The following L3MBTL4 variants were observed in gnomAD, a reference collection of about 807,000 sequenced individuals.
L3MBTL4 encodes the protein lethal(3)malignant brain tumor-like protein 4.
L3MBTL4 carries 70 observed loss-of-function variants against 84.5 expected under a neutral mutation model. The observed-to-expected ratio is 0.83, with a 90% CI of 0.68 to 1.01. The LOEUF is 1.01. Ranked by LOEUF, L3MBTL4 falls within the 50% of genes least tolerant of loss-of-function variation. The pLI is 0.00. For missense variants in L3MBTL4, 715 were observed against 754.8 expected, an observed-to-expected ratio of 0.95 and a Z score of 0.62; for synonymous variants, 274 against 259.8, an observed-to-expected ratio of 1.05 and a Z score of -0.52.
intron 1 of L3MBTL4, among the ~76,000 whole-genome samples, chr18:6,327,791 C>A (rs2051806423): frequency 6.6e-6 from 1 of 152,064 alleles, no homozygotes; most frequent in Non-Finnish European, 1.5e-5. Flanking sequence ...TACTTCACTG[C>A]ATATTTGAAT....
intron 17 of L3MBTL4, among the ~76,000 whole-genome samples, chr18:5,966,578 C>G (rs145414508): frequency 1.1e-4 from 17 of 152,318 alleles, no homozygotes; most frequent in Non-Finnish European, 4.4e-5. Flanking sequence ...CCTTGGTAAC[C>G]TCTGCCTGCA....
At chr18:6,221,981 G>C (rs2046575858) in intron 10 of L3MBTL4, among the ~76,000 whole-genome samples, 1 of 152,204 alleles carries the variant, frequency 6.6e-6, no homozygotes, top group Non-Finnish European at 1.5e-5. Flanking sequence ...GTATGAAATA[G>C]TGGCATGCTG....
At chr18:6,072,748 C>A (rs1470423746) in intron 16 of L3MBTL4, among the ~76,000 whole-genome samples, 3 of 147,364 alleles carry the variant, frequency 2.0e-5, no homozygotes, top group Non-Finnish European at 4.5e-5. Context: ...CCCAGCTACT[C>A]GGGAGGCTGA....
intron 13 of L3MBTL4, among the ~76,000 whole-genome samples, chr18:6,148,403 A>G (rs1362279645): frequency 6.6e-6 from 1 of 152,176 alleles, no homozygotes; most frequent in African/African-American, 2.4e-5. Context: ...AGAGGTCCAC[A>G]TAGACAATGT....
At chr18:6,098,812 C>T (rs945216240) in intron 14 of L3MBTL4, among the ~76,000 whole-genome samples, 1 of 152,076 alleles carries the variant, frequency 6.6e-6, no homozygotes, top group African/African-American at 2.4e-5. Flanking sequence ...CTGAAGAGTC[C>T]TCTCTTAACT....
chr18:6,034,588 A>G (rs1440565419), intron 16 of L3MBTL4, among the ~76,000 whole-genome samples: 1 of 152,176 alleles, frequency 6.6e-6, no homozygotes, highest in African/African-American at 2.4e-5. Context: ...TGCTATTGTA[A>G]ATAGTGCCAC....
chr18:5,996,313 T>C (rs2053962264), intron 16 of L3MBTL4, among the ~76,000 whole-genome samples: 1 of 152,200 alleles, frequency 6.6e-6, no homozygotes, highest in African/African-American at 2.4e-5. Flanking sequence ...TGTTTAGCAA[T>C]AACTCCAAGA....
chr18:6,249,498 T>G (rs1284107470), intron 5 of L3MBTL4, among the ~76,000 whole-genome samples: 2 of 152,196 alleles, frequency 1.3e-5, no homozygotes, highest in Admixed American at 1.3e-4. Context: ...ATGGAACATT[T>G]GGGAGCTTTC....
chr18:6,260,153 G>A (rs1227393547), intron 5 of L3MBTL4: 1 of 152,078 alleles, frequency 6.6e-6, no homozygotes, highest in Non-Finnish European at 1.5e-5. Flanking sequence ...TTCTATGTAT[G>A]TGTTTTTGTA....
intron 16 of L3MBTL4, among the ~76,000 whole-genome samples, chr18:5,988,520 A>C (rs1013959899): frequency 6.6e-6 from 1 of 152,252 alleles, no homozygotes; most frequent in Non-Finnish European, 1.5e-5. Flanking sequence ...GCAATCTTGC[A>C]TATAATACTC....
chr18:6,328,741 T>C (rs1400921356), intron 1 of L3MBTL4, among the ~76,000 whole-genome samples: 1 of 152,174 alleles, frequency 6.6e-6, no homozygotes, highest in Non-Finnish European at 1.5e-5. Flanking sequence ...TAATCTGATG[T>C]GGTGACAGGC....
At chr18:5,977,922 GA>G (rs1030586849) in intron 16 of L3MBTL4, among the ~76,000 whole-genome samples, 19 of 152,296 alleles carry the variant, frequency 1.2e-4, no homozygotes, top group African/African-American at 4.3e-4. Flanking sequence ...ACCCTTTATG[GA>G]AATTGTCCAT....
intron 4 of L3MBTL4, among the ~76,000 whole-genome samples, chr18:6,298,863 A>AAAT (rs2050215121): frequency 6.6e-6 from 1 of 152,060 alleles, no homozygotes; most frequent in Non-Finnish European, 1.5e-5. Flanking sequence ...AACAAGAGGG[A>AAAT]AATTCTGTCC....
intron 4 of L3MBTL4, among the ~76,000 whole-genome samples, chr18:6,293,400 G>A (rs954588376): frequency 1.3e-5 from 2 of 151,870 alleles, no homozygotes; most frequent in Non-Finnish European, 2.9e-5. Context: ...ACAATCAAAA[G>A]GACACCAAAA....
intron 4 of L3MBTL4, among the ~76,000 whole-genome samples, chr18:6,282,584 C>CG (rs746285977): frequency 5.9e-5 from 9 of 152,032 alleles, no homozygotes; most frequent in Non-Finnish European, 1.2e-4. Flanking sequence ...CTCGGGAGAC[C>CG]GGAAAGGGCA....
chr18:6,210,826 T>A (rs1478126347), intron 12 of L3MBTL4, among the ~76,000 whole-genome samples: 1 of 152,190 alleles, frequency 6.6e-6, no homozygotes, highest in East Asian at 1.9e-4. Flanking sequence ...GCTTGTTCTT[T>A]GTCCATCTAC....
chr18:6,193,572 G>A (rs1340363897), intron 12 of L3MBTL4, among the ~76,000 whole-genome samples: 2 of 152,242 alleles, frequency 1.3e-5, no homozygotes, highest in Non-Finnish European at 2.9e-5. Context: ...GCAAAGCGTG[G>A]AGAGCCGGGA....
chr18:5,957,685 G>C (rs1184910231), intron 18 of L3MBTL4, among the ~76,000 whole-genome samples: 1 of 151,918 alleles, frequency 6.6e-6, no homozygotes, highest in African/African-American at 2.4e-5. Context: ...GCCAGTCATG[G>C]TGGCTCATGT....
At chr18:6,003,204 C>T (rs957035236) in intron 16 of L3MBTL4, among the ~76,000 whole-genome samples, 3 of 146,408 alleles carry the variant, frequency 2.0e-5, no homozygotes, top group Admixed American at 6.8e-5. Context: ...TATAGTATCT[C>T]TATAAAAAAG....
Sources: allele counts gnomAD v4.1 joint callset (sites outside exome capture counted in the v4.1 genomes callset), GRCh38; gene constraint gnomAD v4.1.1; transcripts MANE v1.5; gene names NCBI Gene and HGNC (gene_info 2026-07-23, HGNC 2026-07-21).